The following ECPAS variants were observed in gnomAD, a reference collection of about 807,000 sequenced individuals.
ECPAS encodes the protein Ecm29 proteasome adaptor and scaffold.
Under a neutral mutation model 255.1 loss-of-function variants are expected in ECPAS, and 70 were observed. The ratio of observed to expected loss-of-function variants is 0.27; its 90% CI spans 0.23 to 0.33. ECPAS has a LOEUF of 0.33. Among genes scored for constraint, ECPAS ranks in the 10% least tolerant of loss-of-function variants. The pLI is 1.00. For missense variants in ECPAS, 1,817 were observed against 2,206.4 expected (o/e 0.82, Z 3.54); for synonymous variants, 784 against 775.0 (o/e 1.01, Z -0.19).
chr9:111,484,213 C>G lies in ECPAS; in HGVS notation c.-180G>C, dbSNP rs745882826. ...GTTCGGCGGGCCGGGCCCCGGGGAG[C>G]CGCGCGCCGCAGTCCGTGAGGGGCT... On this transcript the variant is annotated 5_prime_UTR_variant, in exon 1 of 50. Transcript: ENST00000684092. 1.7e-5 allele frequency: 25 copies of G among 1,468,758 alleles called. No homozygotes were observed. In the South Asian group the frequency reaches 3.4e-4, roughly 20 times the overall value. The allele number at this position is 1,468,758 out of a possible 1,614,324, so 91.0% of individuals were successfully genotyped here.
intron 24 of ECPAS, among the ~76,000 whole-genome samples, chr9:111,403,855 A>C (rs2098179938): frequency 6.7e-6 from 1 of 149,962 alleles, no homozygotes; most frequent in Non-Finnish European, 1.5e-5. Context: ...ACCATATGTT[A>C]GACCACAAAG....
chr9:111,394,087 C>T lies in ECPAS; in HGVS notation c.2922+73G>A, dbSNP rs1228548452. On this transcript the variant is annotated intron_variant, in intron 26 of 49. Coordinates refer to ENST00000684092, the MANE Select transcript of ECPAS (RefSeq NM_001364929.1). ...ACCTACTATTGGTTAATGACCTTCA[C>T]CCTCATATGCTTTCCTTGCTACTTA... 2.2e-6 allele frequency: 3 copies of T among 1,390,702 alleles called. No homozygotes were observed. The East Asian group carries it at 7.4e-5, about 34-fold the overall frequency. The allele number at this position is 1,390,702 out of a possible 1,614,324, so 86.1% of individuals were successfully genotyped here.
At position 111,484,188 on chromosome 9, in the gene ECPAS, G is replaced by T. The variant is rs1589252985; in HGVS notation, c.-155C>A. The T allele has an allele frequency of 1.3e-6, 2 of 1,484,126 alleles. No individual in the cohort carries two copies. Among genetic ancestry groups the T allele is most frequent in the South Asian group, 2.6e-5 (2 of 77,706 alleles). 91.9% of individuals were successfully genotyped at this position (1,484,126 alleles called of 1,614,324 possible). A position where few individuals can be genotyped will look rare whatever the true frequency, so the allele number is the denominator to read the frequency against. On this transcript the variant is annotated 5_prime_UTR_variant, in exon 1 of 50. Transcript: ENST00000684092. ...CGAGGTGAGGGCTGTAGAGCGAGGC[G>T]TTCGGCGGGCCGGGCCCCGGGGAGC...
chr9:111,452,504 A>G (rs2098261628), intron 2 of ECPAS, among the ~76,000 whole-genome samples: 1 of 152,232 alleles, frequency 6.6e-6, no homozygotes, highest in South Asian at 2.1e-4. Flanking sequence ...AACAGCTAGT[A>G]GAATTTTCTT....
chr9:111,478,156 C>T (rs1015975125), intron 1 of ECPAS, among the ~76,000 whole-genome samples: 11 of 151,852 alleles, frequency 7.2e-5, no homozygotes, highest in Admixed American at 1.3e-4. Flanking sequence ...CCACCTCGAC[C>T]TCCCAAAGCG....
intron 48 of ECPAS, chr9:111,365,601 G>A (rs2098119504): frequency 6.6e-6 from 1 of 151,456 alleles, no homozygotes; most frequent in Non-Finnish European, 1.5e-5. Context: ...GGAAGGTAGA[G>A]GTTGCAATGA....
chr9:111,463,004 C>A (rs182501521), intron 2 of ECPAS, among the ~76,000 whole-genome samples: 19 of 152,242 alleles, frequency 1.2e-4, no homozygotes, highest in Middle Eastern at 3.4e-3. Flanking sequence ...CCTCAACCTC[C>A]CAAAGTGCTG....
At chr9:111,386,150 G>A (rs908307539) in intron 32 of ECPAS, among the ~76,000 whole-genome samples, 1 of 152,284 alleles carries the variant, frequency 6.6e-6, no homozygotes, top group Middle Eastern at 3.4e-3. Flanking sequence ...TTTTAGTAGA[G>A]ACGGGGTTTC....
intron 42 of ECPAS, among the ~76,000 whole-genome samples, 189 bp from the exon 43 acceptor site, chr9:111,372,018 G>A (rs575550432): frequency 2.6e-5 from 4 of 152,120 alleles, no homozygotes; most frequent in South Asian, 2.1e-4. Flanking sequence ...AGAACTTTAC[G>A]AACTTGGGTG....
rs764118700 is a variant in ECPAS at position 111,436,911 on chromosome 9, T to C, written c.708+29A>G. On this transcript the variant is annotated intron_variant, in intron 7 of 49. Transcript: ENST00000684092. ...ATAGGGGAAAGTGTCCACAATCAAC[T>C]ACTATTATGAGCAAGCCTTGTGTGA... 8 of 1,549,374 alleles carry C rather than the reference T, an allele frequency of 5.2e-6. No individual in the cohort carries two copies. The South Asian group carries it at 8.6e-5, about 17-fold the overall frequency.
chr9:111,411,890 T>A, intron 21 of ECPAS, 124 bp downstream of exon 21: 1 of 830,440 alleles, frequency 1.2e-6, no homozygotes, highest in Non-Finnish European at 1.8e-6. Context: ...TTACTCTTTA[T>A]GGTCATAAAA....
At chr9:111,445,570 T>G (rs1335378585) in intron 3 of ECPAS, among the ~76,000 whole-genome samples, 4 of 152,180 alleles carry the variant, frequency 2.6e-5, no homozygotes, top group African/African-American at 9.7e-5. Flanking sequence ...ACACTGCATC[T>G]GACTGAAGCC....
intron 24 of ECPAS, 138 bp from the exon 25 acceptor site, chr9:111,397,291 T>G: frequency 1.0e-6 from 1 of 969,774 alleles, no homozygotes; most frequent in Non-Finnish European, 1.5e-6. Context: ...TTTCGGCTAA[T>G]TCAATGGCTC....
intron 3 of ECPAS, among the ~76,000 whole-genome samples, 194 bp downstream of exon 3, chr9:111,451,231 C>T (rs1302644710): frequency 3.3e-5 from 5 of 152,116 alleles, no homozygotes; most frequent in African/African-American, 1.2e-4. Context: ...ACAGTTGGTG[C>T]TAAATGCAGC....
chr9:111,403,509 A>T lies in ECPAS; in HGVS notation c.2652+5062T>A, dbSNP rs966146895. ...TAGATTTCAAGTCAAAAACTAGAAAAAGACCTAGGTCATTACATAATGATA... is the reference window on the plus strand; with the variant it reads ...TAGATTTCAAGTCAAAAACTAGAAATAGACCTAGGTCATTACATAATGATA... On this transcript the variant is annotated intron_variant, in intron 24 of 49. Coordinates refer to ENST00000684092, the MANE Select transcript of ECPAS (RefSeq NM_001364929.1). Among the ~76,000 whole-genome samples the T allele has an allele frequency of 4.0e-5, 6 of 149,940 alleles. No individual in the cohort carries two copies. In the South Asian group the frequency reaches 1.0e-3, roughly 26 times the overall value.
Position 111,391,749 on chromosome 9 carries a change from T to C in ECPAS, c.3161+7A>G, listed in dbSNP as rs1254477411. The C allele has an allele frequency of 6.4e-7, 1 of 1,567,516 alleles. No individual in the cohort carries two copies. The highest frequency in any genetic ancestry group is 1.7e-5 in the Admixed American group (1 of 59,264). On this transcript the variant is annotated splice_region_variant and intron_variant, in intron 29 of 49. Transcript: ENST00000684092. ...TGTTTACCATTCAATGGATTTAGCATACTTACCCATCTGGTGTTTTGCCAA... is the reference window on the plus strand; with the variant it reads ...TGTTTACCATTCAATGGATTTAGCACACTTACCCATCTGGTGTTTTGCCAA...
At position 111,413,593 on chromosome 9, in the gene ECPAS, A is replaced by G. The variant is rs188418671; in HGVS notation, c.2079+302T>C. On this transcript the variant is annotated intron_variant, in intron 20 of 49. Coordinates refer to ENST00000684092, the MANE Select transcript of ECPAS (RefSeq NM_001364929.1). ...TGGTTACGGAAAGGAGACATTTTACATAGTTTTTATTTAAACTACACAAAT... is the reference window on the plus strand; with the variant it reads ...TGGTTACGGAAAGGAGACATTTTACGTAGTTTTTATTTAAACTACACAAAT... 3.0e-3 allele frequency among the ~76,000 whole-genome samples: 452 copies of G among 152,104 alleles called. 1 individual carries two copies. Among genetic ancestry groups the G allele is most frequent in the Non-Finnish European group, 4.6e-3 (313 of 67,990 alleles).
intron 24 of ECPAS, among the ~76,000 whole-genome samples, chr9:111,401,761 T>A (rs1426135429): frequency 5.9e-5 from 9 of 152,230 alleles, no homozygotes; most frequent in African/African-American, 2.2e-4. Flanking sequence ...GGGAAAAGAA[T>A]TAAGTGATAC....
chr9:111,430,519 G>C (rs756536857), intron 9 of ECPAS, 28 bp downstream of exon 9: 37 of 1,389,886 alleles, frequency 2.7e-5, no homozygotes, highest in Non-Finnish European at 3.6e-5. Context: ...TTTTTACGCT[G>C]ATGTGAGAAT....
Sources: allele counts gnomAD v4.1 joint callset (sites outside exome capture counted in the v4.1 genomes callset), GRCh38; gene constraint gnomAD v4.1.1; transcripts MANE v1.5; gene names NCBI Gene and HGNC (gene_info 2026-07-23, HGNC 2026-07-21).